Variants in ADK observed in about 807,000 individuals in gnomAD.
ADK encodes N6,N6-dimethyladenosine kinase.
ADK carries 24 observed loss-of-function variants against 44.7 expected under a neutral mutation model. The ratio of observed to expected loss-of-function variants is 0.54; its 90% CI spans 0.39 to 0.76. The LOEUF (loss-of-function observed/expected upper bound fraction) is 0.76, where lower values mean the gene tolerates loss of function less well. ADK is among the 30% of genes least tolerant of loss of function. The probability of loss-of-function intolerance (pLI) is 0.00; values close to 1 mark genes in which losing one functional copy is unlikely to be tolerated. For synonymous variants in ADK, 128 were observed against 142.6 expected, an observed-to-expected ratio of 0.90 and a Z score of 0.73; for missense variants, 321 against 425.1, an observed-to-expected ratio of 0.76 and a Z score of 2.15.
At chr10:74,338,953 T>A (rs1022823892) in intron 4 of ADK, among the ~76,000 whole-genome samples, 12 of 152,082 alleles carry the variant, frequency 7.9e-5, no homozygotes, top group East Asian at 3.9e-4. Flanking sequence ...GAGCTTTTTT[T>A]AAAAAAATTT....
At chr10:74,398,223 G>A (rs569531774) in intron 5 of ADK, among the ~76,000 whole-genome samples, 5 of 152,036 alleles carry the variant, frequency 3.3e-5, no homozygotes, top group African/African-American at 1.2e-4. Context: ...ACTATCAAAA[G>A]GCAACTTAAA....
intron 4 of ADK, among the ~76,000 whole-genome samples, chr10:74,343,654 G>A (rs1408477465): frequency 1.3e-5 from 2 of 152,172 alleles, no homozygotes; most frequent in African/African-American, 4.8e-5. Context: ...TGTTGCCCAG[G>A]TTAGCGTGCA....
chr10:74,655,460 A>C (rs1255166312), intron 9 of ADK: 1 of 459,276 alleles, frequency 2.2e-6, no homozygotes, highest in Non-Finnish European at 4.4e-6. Flanking sequence ...TGGGCTGAGG[A>C]ATGACACTCG....
At chr10:74,481,363 C>T (rs72818590) in intron 6 of ADK, among the ~76,000 whole-genome samples, 2,466 of 152,208 alleles carry the variant, frequency 0.016, 35 homozygotes, top group Non-Finnish European at 0.023. Context: ...GTCCTTTTCT[C>T]ACCAATTTAT....
chr10:74,215,948 G>T (rs1196574729), intron 2 of ADK, among the ~76,000 whole-genome samples: 2 of 152,048 alleles, frequency 1.3e-5, no homozygotes, highest in Admixed American at 1.3e-4. Context: ...GAGCCACCGC[G>T]CCTGGCCTAA....
intron 10 of ADK, among the ~76,000 whole-genome samples, chr10:74,697,122 CTATA>C (rs888188743): frequency 1.3e-5 from 2 of 151,944 alleles, no homozygotes; most frequent in African/African-American, 4.8e-5. Context: ...TGGTGGTCTA[CTATA>C]TATAAAAGGT....
intron 7 of ADK, among the ~76,000 whole-genome samples, chr10:74,581,601 A>G (rs1851376516): frequency 6.6e-6 from 1 of 152,196 alleles, no homozygotes; most frequent in African/African-American, 2.4e-5. Context: ...AAACACTGAA[A>G]AGCTACACCA....
intron 3 of ADK, among the ~76,000 whole-genome samples, chr10:74,237,836 T>C (rs1022789611): frequency 1.2e-4 from 19 of 152,140 alleles, no homozygotes; most frequent in Non-Finnish European, 2.1e-4. Context: ...TGGTGGCTCA[T>C]GTCTGTAATT....
chr10:74,585,817 G>A (rs568010866), intron 7 of ADK, among the ~76,000 whole-genome samples: 1 of 152,282 alleles, frequency 6.6e-6, no homozygotes, highest in Admixed American at 6.5e-5. Flanking sequence ...AACTCAGTAC[G>A]AGGCGCCCTG....
chr10:74,192,091 AGTT>A (rs1233607038), intron 1 of ADK, among the ~76,000 whole-genome samples: 3 of 152,040 alleles, frequency 2.0e-5, no homozygotes, highest in Admixed American at 6.6e-5. Context: ...GATCCGTTTA[AGTT>A]GTTGTGTGTG....
intron 6 of ADK, among the ~76,000 whole-genome samples, chr10:74,468,363 C>T (rs1388845063): frequency 6.6e-6 from 1 of 152,178 alleles, no homozygotes; most frequent in Non-Finnish European, 1.5e-5. Flanking sequence ...GCTCTCCAAA[C>T]CTTCATAAAG....
chr10:74,355,039 CT>C (rs1842089116), intron 4 of ADK, among the ~76,000 whole-genome samples: 1 of 152,048 alleles, frequency 6.6e-6, no homozygotes, highest in African/African-American at 2.4e-5. Flanking sequence ...CCTTCTTCTT[CT>C]TTTTAAAGAC....
intron 7 of ADK, among the ~76,000 whole-genome samples, chr10:74,540,448 T>C (rs1299629564): frequency 1.3e-5 from 2 of 152,022 alleles, no homozygotes; most frequent in African/African-American, 4.8e-5. Flanking sequence ...TTAATGTTCT[T>C]ATTTAATGCC....
At chr10:74,677,965 CAAAAAAAAAAAAAAAA>C (rs3037448) in intron 10 of ADK, among the ~76,000 whole-genome samples, 1 of 43,058 alleles carries the variant, frequency 2.3e-5, no homozygotes, top group African/African-American at 9.7e-5. Context: ...CCAGTCTCTA[CAAAAAAAAAAAAAAAA>C]AAAAAAAAAA....
chr10:74,216,019 T>C (rs544619614), intron 2 of ADK, among the ~76,000 whole-genome samples: 1 of 152,222 alleles, frequency 6.6e-6, no homozygotes, highest in Non-Finnish European at 1.5e-5. Context: ...TATTCATTTA[T>C]AAAAATACAT....
intron 7 of ADK, among the ~76,000 whole-genome samples, chr10:74,531,951 A>C (rs547930995): frequency 2.0e-5 from 3 of 152,214 alleles, no homozygotes; most frequent in East Asian, 1.9e-4. Context: ...CATTACCTTC[A>C]TACCAAAAAC....
Position 74,327,365 on chromosome 10 carries a change from C to A in ADK, c.273+12620C>A, listed in dbSNP as rs559435201. ...TGCCATTGTGATCGGAAAATATAATCTATGATTTTGAACTGAAACTTGTTA... is the reference window on the plus strand; with the variant it reads ...TGCCATTGTGATCGGAAAATATAATATATGATTTTGAACTGAAACTTGTTA... On this transcript the variant is annotated intron_variant, in intron 4 of 10. Coordinates refer to ENST00000539909, the MANE Select transcript of ADK (RefSeq NM_006721.4). Among the ~76,000 whole-genome samples, 215 of 152,018 alleles carry A rather than the reference C, an allele frequency of 1.4e-3. 2 individuals carry two copies. Among genetic ancestry groups the A allele is most frequent in the Non-Finnish European group, 1.4e-3 (94 of 67,990 alleles).
chr10:74,198,034 G>A (rs1377596081), intron 1 of ADK, among the ~76,000 whole-genome samples: 1 of 152,148 alleles, frequency 6.6e-6, no homozygotes, highest in African/African-American at 2.4e-5. Flanking sequence ...CATTGAACTG[G>A]ATGCTTACAA....
rs377622255 is a variant in ADK, at chr10:74,242,509, C to G, written c.194+17918C>G. ...AAAGTACATTTAGGAAATATGCAAC[C>G]TTTTTGTTTGGCTTTATTAATCAGC... is the stretch of plus-strand genomic sequence containing the variant. On this transcript the variant is annotated intron_variant, in intron 3 of 10. Transcript: ENST00000539909. Among the ~76,000 whole-genome samples, 358 of 115,604 alleles carry G rather than the reference C, an allele frequency of 3.1e-3. 1 individual carries two copies. The highest frequency in any genetic ancestry group is 0.014 in the African/African-American group (316 of 22,990). The allele number at this position is 115,604 out of a possible 152,430, so 75.8% of individuals were successfully genotyped here.
Sources: allele counts gnomAD v4.1 joint callset (sites outside exome capture counted in the v4.1 genomes callset), GRCh38; gene constraint gnomAD v4.1.1; transcripts MANE v1.5; gene names NCBI Gene and HGNC (gene_info 2026-07-23, HGNC 2026-07-21).